Variants in UNC13C observed in about 807,000 individuals in gnomAD.
UNC13C encodes the protein protein unc-13 homolog C.
UNC13C carries 174 observed loss-of-function variants against 245.4 expected under a neutral mutation model. The ratio of observed to expected loss-of-function variants is 0.71; its 90% CI spans 0.63 to 0.80. The LOEUF is 0.80. Ranked by LOEUF, UNC13C falls within the 30% of genes least tolerant of loss-of-function variation. The pLI is 0.00. For missense variants in UNC13C, 2,829 were observed against 2,602.9 expected, an observed-to-expected ratio of 1.09 and a Z score of -1.89; for synonymous variants, 992 against 895.1, an observed-to-expected ratio of 1.11 and a Z score of -1.93.
chr15:53,842,946 A>T, the UNC13C span, among the ~76,000 whole-genome samples: 1 of 149,774 alleles, frequency 6.7e-6, no homozygotes, highest in African/African-American at 2.4e-5. Context: ...GATAATAAAA[A>T]GTTCTTTGCA....
intron 4 of UNC13C, among the ~76,000 whole-genome samples, chr15:54,192,799 C>T (rs2034229526): frequency 6.6e-6 from 1 of 152,052 alleles, no homozygotes; most frequent in Non-Finnish European, 1.5e-5. Context: ...AGTCCTTTCT[C>T]ATATATTGTG....
intron 30 of UNC13C, among the ~76,000 whole-genome samples, chr15:54,618,917 C>G (rs983333075): frequency 1.3e-4 from 19 of 151,690 alleles, no homozygotes; most frequent in Non-Finnish European, 2.8e-4. Flanking sequence ...TGTCAAAAAA[C>G]AAAACAAAAA....
At chr15:54,004,876 T>C (rs2140980088) in intron 1 of UNC13C, among the ~76,000 whole-genome samples, 1 of 152,266 alleles carries the variant, frequency 6.6e-6, no homozygotes, top group East Asian at 1.9e-4. Context: ...TCCTGTAGAG[T>C]TGTTTGAGCT....
chr15:54,592,089 A>T (rs1180849055), intron 30 of UNC13C, among the ~76,000 whole-genome samples: 1 of 152,000 alleles, frequency 6.6e-6, no homozygotes, highest in African/African-American at 2.4e-5. Flanking sequence ...TTTAATTTCC[A>T]TGTATTTGTG....
At chr15:53,899,746 T>TAG in the UNC13C span, among the ~76,000 whole-genome samples, 3 of 152,174 alleles carry the variant, frequency 2.0e-5, no homozygotes, top group Non-Finnish European at 4.4e-5. Flanking sequence ...GTATTTTTAG[T>TAG]AGAGAGTGGT....
rs574181786 is a variant in UNC13C at position 54,389,027 on chromosome 15, G to T, written c.4714-4021G>T. On this transcript the variant is annotated intron_variant, in intron 17 of 32. Transcript: ENST00000260323. ...CACAAATGTAACCAAGTAATCCTAT[G>T]TTTAAAATCTTTTAAATGGTCCTTA... 5.2e-4 allele frequency among the ~76,000 whole-genome samples: 79 copies of T among 152,204 alleles called. 3 individuals are homozygous for T. The South Asian group carries it at 0.016, about 31-fold the overall frequency.
intron 19 of UNC13C, among the ~76,000 whole-genome samples, chr15:54,460,432 G>C (rs1028319987): frequency 1.3e-5 from 2 of 152,228 alleles, no homozygotes; most frequent in African/African-American, 2.4e-5. Context: ...CCAGGTTATT[G>C]CTGGCAGTAG....
the UNC13C span, among the ~76,000 whole-genome samples, chr15:53,935,090 G>T: frequency 6.6e-6 from 1 of 151,936 alleles, no homozygotes; most frequent in Non-Finnish European, 1.5e-5. Context: ...TATATTGCTG[G>T]TGGTGGCCAT....
chr15:54,006,654 C>G (rs970206539), intron 1 of UNC13C, among the ~76,000 whole-genome samples: 3 of 152,144 alleles, frequency 2.0e-5, no homozygotes, highest in African/African-American at 4.8e-5. Context: ...TCTTCATTGA[C>G]CTGATAAAGA....
At chr15:54,528,468 C>A (rs917439998) in intron 25 of UNC13C, among the ~76,000 whole-genome samples, 3 of 152,008 alleles carry the variant, frequency 2.0e-5, no homozygotes, top group African/African-American at 7.2e-5. Context: ...TATTTACTGG[C>A]ACTACTTTTA....
chr15:54,445,858 G>A (rs1435640593), intron 19 of UNC13C, among the ~76,000 whole-genome samples: 1 of 152,162 alleles, frequency 6.6e-6, no homozygotes, highest in African/African-American at 2.4e-5. Flanking sequence ...TAGACATGAA[G>A]TCCTTGCCCA....
intron 25 of UNC13C, among the ~76,000 whole-genome samples, chr15:54,529,714 C>T (rs1184959651): frequency 3.9e-5 from 6 of 152,122 alleles, no homozygotes; most frequent in Non-Finnish European, 7.4e-5. Context: ...ACTGTATCAT[C>T]ATTGTGTGTG....
chr15:53,943,587 A>G, the UNC13C span, among the ~76,000 whole-genome samples: 1 of 152,150 alleles, frequency 6.6e-6, no homozygotes, highest in South Asian at 2.1e-4. Context: ...ACTGTTTTAA[A>G]ATATTTATAA....
intron 4 of UNC13C, among the ~76,000 whole-genome samples, chr15:54,202,267 AC>A (rs1214374195): frequency 6.6e-6 from 1 of 151,806 alleles, no homozygotes; most frequent in Non-Finnish European, 1.5e-5. Flanking sequence ...CAAATTCGAT[AC>A]AATTCCTATC....
intron 2 of UNC13C, among the ~76,000 whole-genome samples, chr15:54,112,434 A>C (rs1258596547): frequency 1.3e-5 from 2 of 152,208 alleles, no homozygotes; most frequent in East Asian, 3.9e-4. Flanking sequence ...TGATGTTTAC[A>C]TAGTGCCTGA....
chr15:54,576,541 C>G (rs58859617), intron 30 of UNC13C, among the ~76,000 whole-genome samples: 5,363 of 152,274 alleles, frequency 0.035, 287 homozygotes, highest in African/African-American at 0.12. Context: ...TGGGTAAGCT[C>G]AGTAGCCAGG....
chr15:54,012,107 T>C (rs1895406244), intron 1 of UNC13C, among the ~76,000 whole-genome samples: 1 of 152,246 alleles, frequency 6.6e-6, no homozygotes, highest in African/African-American at 2.4e-5. Flanking sequence ...TTATTTTCTT[T>C]TTCTTCACAT....
At chr15:54,187,016 T>G (rs1389401336) in intron 4 of UNC13C, among the ~76,000 whole-genome samples, 1 of 151,670 alleles carries the variant, frequency 6.6e-6, no homozygotes, top group Non-Finnish European at 1.5e-5. Context: ...GCCTGGCTAA[T>G]TTTTGTATTT....
At chr15:54,571,877 T>A (rs1897770521) in intron 30 of UNC13C, among the ~76,000 whole-genome samples, 1 of 152,254 alleles carries the variant, frequency 6.6e-6, no homozygotes, top group Non-Finnish European at 1.5e-5. Context: ...AACTCTGATG[T>A]GTATTCTACA....
Sources: allele counts gnomAD v4.1 joint callset (sites outside exome capture counted in the v4.1 genomes callset), GRCh38; gene constraint gnomAD v4.1.1; transcripts MANE v1.5; gene names NCBI Gene and HGNC (gene_info 2026-07-23, HGNC 2026-07-21).